NIM1K: variants seen among roughly 807,000 people sequenced by gnomAD.
NIM1K encodes the protein NIM1 serine/threonine protein kinase.
NIM1K carries 35 observed loss-of-function variants against 37.1 expected under a neutral mutation model. The observed-to-expected ratio is 0.94, with a 90% CI of 0.72 to 1.25. The LOEUF is 1.25. Among genes scored for constraint, NIM1K ranks in the 50% most tolerant of loss-of-function variants. The pLI, the probability that NIM1K is intolerant of heterozygous loss-of-function variation, is 0.00. For missense variants in NIM1K, 564 were observed against 548.0 expected (o/e 1.03, Z -0.29); for synonymous variants, 234 against 206.6 (o/e 1.13, Z -1.14).
chr5:43,201,672 T>C lies in NIM1K; in HGVS notation c.-695+9261T>C, dbSNP rs148195065. On this transcript the variant is annotated intron_variant, in intron 1 of 3. Transcript: ENST00000326035. ...AGTTTAACATGTGAGAAGAAAGATA[T>C]TTTTCTGACCGGGCGTGGTGGTTCA... Among the ~76,000 whole-genome samples, 288 of 151,988 alleles carry C rather than the reference T, an allele frequency of 1.9e-3. 1 individual carries two copies. The highest frequency in any genetic ancestry group is 6.6e-3 in the African/African-American group (275 of 41,468).
At chr5:43,249,751 A>T (rs1267111067) in intron 2 of NIM1K, among the ~76,000 whole-genome samples, 2 of 151,972 alleles carry the variant, frequency 1.3e-5, no homozygotes, top group Non-Finnish European at 2.9e-5. Flanking sequence ...GTAGAAATGG[A>T]TGCAGTCACT....
chr5:43,257,040 G>T (rs1752956789), intron 2 of NIM1K, among the ~76,000 whole-genome samples: 1 of 152,062 alleles, frequency 6.6e-6, no homozygotes, highest in African/African-American at 2.4e-5. Flanking sequence ...GGTGATTGTA[G>T]AGAAGAGGTC....
At chr5:43,215,968 C>G (rs1365011347) in intron 1 of NIM1K, among the ~76,000 whole-genome samples, 3 of 152,156 alleles carry the variant, frequency 2.0e-5, no homozygotes, top group African/African-American at 7.2e-5. Flanking sequence ...GTTTTCCTGG[C>G]TCCCCAGGAA....
chr5:43,236,307 T>TAA (rs1752620831), intron 1 of NIM1K, among the ~76,000 whole-genome samples: 1 of 150,606 alleles, frequency 6.6e-6, no homozygotes, highest in Non-Finnish European at 1.5e-5. Context: ...CAAAAAAACA[T>TAA]AAACATTAAA....
At chr5:43,258,372 T>C (rs1202899052) in intron 2 of NIM1K, among the ~76,000 whole-genome samples, 1 of 152,170 alleles carries the variant, frequency 6.6e-6, no homozygotes, top group Non-Finnish European at 1.5e-5. Context: ...TGTGACTAGT[T>C]TCTAGTTTCC....
At chr5:43,232,688 C>T (rs191547633) in intron 1 of NIM1K, 33 of 1,482,530 alleles carry the variant, frequency 2.2e-5, no homozygotes, top group African/African-American at 1.4e-4. Context: ...GACTTCTTGC[C>T]GTAATCAACC....
chr5:43,250,162 TA>T (rs1162259917), intron 2 of NIM1K, among the ~76,000 whole-genome samples: 4 of 152,182 alleles, frequency 2.6e-5, no homozygotes, highest in African/African-American at 7.2e-5. Context: ...GGATTAGTTT[TA>T]AATATGCTAA....
chr5:43,236,538 T>G (rs1225607355), intron 1 of NIM1K, among the ~76,000 whole-genome samples: 1 of 152,230 alleles, frequency 6.6e-6, no homozygotes, highest in African/African-American at 2.4e-5. Context: ...TTATAAGATC[T>G]GGCGAAAGTA....
chr5:43,280,215 C>G lies in NIM1K; in HGVS notation c.797C>G (p.Thr266Ser). 1 of 1,614,174 alleles carries G rather than the reference C, an allele frequency of 6.2e-7. No homozygotes were observed. Residue 266 changes from threonine to serine, a missense_variant, in exon 4 of 4, where the codon ACT (threonine) becomes AGT (serine). Transcript: ENST00000326035. ...GGGGTGCTTTTGTACTTCATGGTGA[C>G]TGGCACCATGCCATTTCGGGCAGAA... is the stretch of plus-strand genomic sequence containing the variant. ...ALGVLLYFMVTGTMPFRAETV... is the reference protein window; with the variant it reads ...ALGVLLYFMVSGTMPFRAETV...
intron 1 of NIM1K, among the ~76,000 whole-genome samples, chr5:43,215,466 G>C (rs190163612): frequency 1.3e-5 from 2 of 152,268 alleles, no homozygotes; most frequent in East Asian, 3.9e-4. Flanking sequence ...ATGGAATCTG[G>C]CTCTGTTGCC....
chr5:43,225,281 A>G (rs970712492), intron 1 of NIM1K, among the ~76,000 whole-genome samples: 1 of 146,484 alleles, frequency 6.8e-6, no homozygotes, highest in Admixed American at 6.7e-5. Flanking sequence ...AAAAAAAAAA[A>G]AAAAAAAAAG....
At chr5:43,275,880 C>T (rs1033624595) in intron 2 of NIM1K, among the ~76,000 whole-genome samples, 32 of 151,352 alleles carry the variant, frequency 2.1e-4, no homozygotes, top group Admixed American at 1.1e-3. Flanking sequence ...TATAAAGAAA[C>T]GCCTGAAATT....
In NIM1K at chr5:43,278,645, T is replaced by A. The variant is rs1003079408; in HGVS notation, c.561+1320T>A. Among the ~76,000 whole-genome samples, 3 of 152,272 alleles carry A rather than the reference T, an allele frequency of 2.0e-5. No homozygotes were observed. In the South Asian group the frequency reaches 6.2e-4, roughly 32 times the overall value. ...TTTCCAATTCACTTCTCAGCCTGCA[T>A]GGTTGTAGGAGCAAGAACTGGGATC... On this transcript the variant is annotated intron_variant, in intron 3 of 3. Transcript: ENST00000326035.
intron 2 of NIM1K, among the ~76,000 whole-genome samples, chr5:43,273,514 T>A (rs902674046): frequency 1.3e-5 from 2 of 151,952 alleles, no homozygotes; most frequent in Non-Finnish European, 2.9e-5. Flanking sequence ...CGGCCCAGAG[T>A]GCTCTTTTTA....
chr5:43,275,260 G>A (rs1053520387), intron 2 of NIM1K, among the ~76,000 whole-genome samples: 11 of 152,058 alleles, frequency 7.2e-5, no homozygotes, highest in African/African-American at 2.7e-4. Context: ...AAATAAGTTA[G>A]CATCATTACT....
chr5:43,262,740 G>T (rs1445944520), intron 2 of NIM1K, among the ~76,000 whole-genome samples: 2 of 152,066 alleles, frequency 1.3e-5, no homozygotes, highest in African/African-American at 2.4e-5. Flanking sequence ...TATTGGCTGT[G>T]GGTTTATCAT....
intron 2 of NIM1K, among the ~76,000 whole-genome samples, chr5:43,274,562 T>A (rs1340363066): frequency 6.6e-6 from 1 of 152,166 alleles, no homozygotes; most frequent in African/African-American, 2.4e-5. Flanking sequence ...GACTGAAAAG[T>A]AGAAAAGAAA....
rs758785451 is a variant in NIM1K at position 43,207,968 on chromosome 5, T to C, written c.-695+15557T>C. Among the ~76,000 whole-genome samples the C allele has an allele frequency of 3.3e-5, 5 of 152,230 alleles. No individual in the cohort carries two copies. The South Asian group carries it at 1.0e-3, about 32-fold the overall frequency. On this transcript the variant is annotated intron_variant, in intron 1 of 3. Transcript: ENST00000326035. ...TTAATTTTAAAAAGCAAATGGAAAA[T>C]CTGTATTTTGATGAGCTTATGGTGT...
chr5:43,248,579 A>G (rs1041716579), intron 2 of NIM1K, among the ~76,000 whole-genome samples: 2 of 152,148 alleles, frequency 1.3e-5, no homozygotes, highest in East Asian at 3.9e-4. Context: ...TTGGTGTGTT[A>G]GTGTTTTCCA....
Sources: gnomAD v4.1 joint callset for allele counts (sites outside exome capture counted in the v4.1 genomes callset) on GRCh38, gnomAD v4.1.1 for gene constraint, MANE v1.5 for transcripts, NCBI Gene and HGNC (gene_info 2026-07-23, HGNC 2026-07-21) for gene names.